The following BANP variants were observed in gnomAD, a reference collection of about 807,000 sequenced individuals.
BANP encodes protein BANP.
In BANP, 11 loss-of-function variants were observed where a neutral mutation model predicts 68.1. That is an observed-to-expected ratio of 0.16 (90% CI 0.10 to 0.27). The LOEUF is 0.27. Among genes scored for constraint, BANP ranks in the 10% least tolerant of loss-of-function variants. The probability of loss-of-function intolerance (pLI) is 1.00; values close to 1 mark genes in which losing one functional copy is unlikely to be tolerated. For missense variants in BANP, 504 were observed against 722.7 expected, an observed-to-expected ratio of 0.70 and a Z score of 3.47; for synonymous variants, 329 against 303.2, an observed-to-expected ratio of 1.09 and a Z score of -0.88.
chr16:87,951,734 C>G (rs1227273743), intron 1 of BANP, among the ~76,000 whole-genome samples: 1 of 151,124 alleles, frequency 6.6e-6, no homozygotes, highest in Non-Finnish European at 1.5e-5. Context: ...TCCTCGCTTC[C>G]GCACCCCCGG....
chr16:88,047,697 A>G (rs973464481), intron 11 of BANP, among the ~76,000 whole-genome samples: 9 of 152,210 alleles, frequency 5.9e-5, no homozygotes, highest in Non-Finnish European at 1.5e-5. Context: ...CACCCAGAAC[A>G]GCTGTTCTCC....
At chr16:87,951,174 C>T (rs2056772312), upstream of BANP, among the ~76,000 whole-genome samples, 1 of 152,232 alleles carries the variant, frequency 6.6e-6, no homozygotes, top group Non-Finnish European at 1.5e-5. Flanking sequence ...GATGCAAATT[C>T]CTCAGACCGT....
intron 6 of BANP, among the ~76,000 whole-genome samples, chr16:88,007,096 C>T (rs1029023357): frequency 4.6e-5 from 7 of 152,078 alleles, no homozygotes; most frequent in African/African-American, 1.7e-4. Context: ...ACTTCTTTCC[C>T]CTACACAGTA....
At chr16:87,954,712 G>C (rs1258747684) in intron 1 of BANP, among the ~76,000 whole-genome samples, 1 of 152,256 alleles carries the variant, frequency 6.6e-6, no homozygotes, top group Non-Finnish European at 1.5e-5. Context: ...CCCCACGCCT[G>C]TGCCCCCGGT....
chr16:87,984,250 A>G lies in BANP; in HGVS notation c.353A>G (p.Lys118Arg), dbSNP rs1177636509. The change falls in exon 4 of 14, where the codon AAA becomes AGA. Residue 118 changes from lysine (K) to arginine (R), a missense_variant. Lys to Arg is a conservative substitution (Grantham distance 26). Coordinates refer to ENST00000682872, the MANE Select transcript of BANP (RefSeq NM_001386991.1). Reference sequence around the variant, plus strand: ...CTCGGGGCAACCCAGACGTGCAACAAAGTGCGATGGTAAGAACAGACCAGG... The same window carrying G: ...CTCGGGGCAACCCAGACGTGCAACAGAGTGCGATGGTAAGAACAGACCAGG... Reference protein sequence around the residue: ...SPLGATQTCNKVRCVVPQTTV... With the variant: ...SPLGATQTCNRVRCVVPQTTV... The G allele has an allele frequency of 2.5e-6, 4 of 1,586,724 alleles. No homozygotes were observed. The Middle Eastern group carries it at 5.0e-4, about 197-fold the overall frequency.
Position 88,036,115 on chromosome 16 carries a change from C to T in BANP, c.1272+721C>T, listed in dbSNP as rs546403033. Among the ~76,000 whole-genome samples the T allele has an allele frequency of 7.9e-5, 12 of 152,206 alleles. No homozygotes were observed. The highest frequency in any genetic ancestry group is 7.2e-4 in the Admixed American group (11 of 15,288). On this transcript the variant is annotated intron_variant, in intron 10 of 13. Coordinates refer to ENST00000682872, the MANE Select transcript of BANP (RefSeq NM_001386991.1). The surrounding 1 kb of genome is among the most constrained non-coding windows in gnomAD (Gnocchi z 4.2). ...CCGTCCTTCGACTCTGGGCTGTTTC[C>T]TGCAGCACAGGCAGCAGCAGGCACA...
chr16:88,030,302 C>T (rs113704778), intron 8 of BANP, among the ~76,000 whole-genome samples: 4 of 152,044 alleles, frequency 2.6e-5, no homozygotes, highest in Admixed American at 2.6e-4. Context: ...ACATTGAAAT[C>T]TATTAAAATT....
At chr16:88,040,564 C>CG (rs1367032343) in intron 11 of BANP, among the ~76,000 whole-genome samples, 3 of 151,802 alleles carry the variant, frequency 2.0e-5, no homozygotes, top group African/African-American at 7.3e-5. Flanking sequence ...CCGAGCAGTG[C>CG]GGGGGTCACA....
chr16:87,982,776 C>T (rs904435687), intron 3 of BANP: 1 of 152,208 alleles, frequency 6.6e-6, no homozygotes, highest in African/African-American at 2.4e-5. Context: ...TGTGGATTTT[C>T]CCTCCTGCAG....
chr16:87,967,622 ATT>A (rs375783410), intron 1 of BANP, among the ~76,000 whole-genome samples: 2 of 120,578 alleles, frequency 1.7e-5, no homozygotes, highest in Non-Finnish European at 1.7e-5. Context: ...CACCCAGTTA[ATT>A]TTTTTTTTTT....
chr16:88,027,735 G>C, intron 8 of BANP, 85 bp downstream of exon 8: 1 of 1,509,950 alleles, frequency 6.6e-7, no homozygotes, highest in Non-Finnish European at 9.0e-7. Context: ...CCAGTGCGTG[G>C]CCAGCGGCTC....
chr16:88,076,450 C>A, intron 13 of BANP, 140 bp from the exon 14 acceptor site: 1 of 687,108 alleles, frequency 1.5e-6, no homozygotes, highest in Non-Finnish European at 2.4e-6. Flanking sequence ...TCGGGTGAGC[C>A]TTGGGGCCGT....
intron 8 of BANP, among the ~76,000 whole-genome samples, chr16:88,027,915 A>G (rs1169732738): frequency 6.6e-6 from 1 of 152,228 alleles, no homozygotes; most frequent in African/African-American, 2.4e-5. Context: ...AGTCTTCTGG[A>G]TGGGGGCAAG....
In BANP at chr16:88,072,751, G is replaced by A. The variant is rs956987313; in HGVS notation, c.1521+539G>A. 3.3e-5 allele frequency among the ~76,000 whole-genome samples: 5 copies of A among 152,378 alleles called. No homozygotes were observed. In the South Asian group the frequency reaches 8.3e-4, roughly 25 times the overall value. Reference sequence around the variant, plus strand: ...CCGTGCCGAAATCTCCAGCGTGGCCGAGGCCCAGACAAGAGCCCCGTGATG... The same window carrying A: ...CCGTGCCGAAATCTCCAGCGTGGCCAAGGCCCAGACAAGAGCCCCGTGATG... On this transcript the variant is annotated intron_variant, in intron 13 of 13. Transcript: ENST00000682872.
chr16:87,963,736 G>A (rs1467231105), intron 1 of BANP, among the ~76,000 whole-genome samples: 1 of 152,224 alleles, frequency 6.6e-6, no homozygotes. Context: ...GAAGATCCTG[G>A]TGTTGAAGGA....
At chr16:88,030,048 A>G (rs760496579) in intron 8 of BANP, among the ~76,000 whole-genome samples, 10 of 152,270 alleles carry the variant, frequency 6.6e-5, no homozygotes, top group Non-Finnish European at 1.5e-4. Flanking sequence ...CTAGCAGGCC[A>G]TGCCTACTGG....
At chr16:87,956,785 C>G (rs1057465914) in intron 1 of BANP, 1 of 152,230 alleles carries the variant, frequency 6.6e-6, no homozygotes, top group African/African-American at 2.4e-5. Context: ...AGACTCCACT[C>G]TGGCCCCCCC....
chr16:88,029,950 G>T (rs1473802308), intron 8 of BANP, among the ~76,000 whole-genome samples: 1 of 152,240 alleles, frequency 6.6e-6, no homozygotes, highest in Non-Finnish European at 1.5e-5. Context: ...TCCAAGGCAG[G>T]CATGAGCTCA....
At chr16:88,061,382 G>C (rs1362541355) in intron 11 of BANP, among the ~76,000 whole-genome samples, 2 of 152,238 alleles carry the variant, frequency 1.3e-5, no homozygotes, top group Admixed American at 6.5e-5. Flanking sequence ...AGAAGCTTGT[G>C]TGTGCTGTTT....
Sources: allele counts gnomAD v4.1 joint callset (sites outside exome capture counted in the v4.1 genomes callset), GRCh38; gene constraint gnomAD v4.1.1; non-coding constraint Gnocchi (gnomAD v3.1); transcripts MANE v1.5; gene names NCBI Gene and HGNC (gene_info 2026-07-23, HGNC 2026-07-21).